Variants in ZNF385B observed in about 807,000 individuals in gnomAD.
ZNF385B encodes the protein zinc finger protein 533.
ZNF385B carries 23 observed loss-of-function variants against 39.2 expected under a neutral mutation model. The observed-to-expected ratio is 0.59, with a 90% confidence interval of 0.42 to 0.83. The LOEUF (loss-of-function observed/expected upper bound fraction) is 0.83, where lower values mean the gene tolerates loss of function less well. ZNF385B is among the 40% of genes least tolerant of loss of function. The probability of loss-of-function intolerance (pLI) is 0.00; values close to 1 mark genes in which losing one functional copy is unlikely to be tolerated. For synonymous variants in ZNF385B, 205 were observed against 222.6 expected (o/e 0.92, Z 0.70); for missense variants, 552 against 598.9 (o/e 0.92, Z 0.82).
chr2:179,798,071 G>A (rs144199758), intron 1 of ZNF385B, among the ~76,000 whole-genome samples: 10 of 152,122 alleles, frequency 6.6e-5, no homozygotes, highest in East Asian at 5.8e-4. Flanking sequence ...AGGTGGCCAC[G>A]GAGGGATCTT....
intron 3 of ZNF385B, among the ~76,000 whole-genome samples, chr2:179,717,559 C>T (rs1485014929): frequency 6.6e-6 from 1 of 152,068 alleles, no homozygotes; most frequent in African/African-American, 2.4e-5. Flanking sequence ...ATAGTGAGAC[C>T]CTGTTTCTAT....
At chr2:179,534,073 AGTGACT>A (rs1399080742) in intron 4 of ZNF385B, among the ~76,000 whole-genome samples, 1 of 152,202 alleles carries the variant, frequency 6.6e-6, no homozygotes, top group Admixed American at 6.5e-5. Flanking sequence ...CAGGCAGTCA[AGTGACT>A]GTGATCTTTA....
intron 3 of ZNF385B, among the ~76,000 whole-genome samples, chr2:179,549,761 G>GA (rs2060454619): frequency 1.3e-5 from 2 of 149,748 alleles, no homozygotes; most frequent in South Asian, 4.3e-4. Flanking sequence ...AGAAAAAAGA[G>GA]AGAAGGGTGC....
intron 3 of ZNF385B, among the ~76,000 whole-genome samples, chr2:179,557,778 T>C (rs1322819991): frequency 9.2e-5 from 14 of 152,038 alleles, no homozygotes. Flanking sequence ...ATAATGGGTA[T>C]ATTGTATGAT....
intron 1 of ZNF385B, among the ~76,000 whole-genome samples, chr2:179,853,450 G>A (rs897994021): frequency 1.3e-5 from 2 of 152,200 alleles, no homozygotes; most frequent in African/African-American, 4.8e-5. Context: ...GCTTCACATG[G>A]TTACAAATTT....
chr2:179,459,470 A>G (rs2051053139), intron 6 of ZNF385B, among the ~76,000 whole-genome samples: 1 of 152,092 alleles, frequency 6.6e-6, no homozygotes, highest in South Asian at 2.1e-4. Flanking sequence ...CCATTCAACA[A>G]CTACTGATTG....
chr2:179,471,624 C>A (rs949338805), intron 6 of ZNF385B, among the ~76,000 whole-genome samples: 6 of 152,138 alleles, frequency 3.9e-5, no homozygotes, highest in African/African-American at 1.4e-4. Flanking sequence ...TACTCTTCAC[C>A]ACTTCAAAAT....
At chr2:179,790,853 G>A (rs1166324682) in intron 1 of ZNF385B, among the ~76,000 whole-genome samples, 3 of 152,118 alleles carry the variant, frequency 2.0e-5, no homozygotes, top group African/African-American at 7.2e-5. Context: ...AAATTCCAAA[G>A]GTTTACACAG....
chr2:179,488,379 C>T (rs969599723), intron 5 of ZNF385B, among the ~76,000 whole-genome samples: 3 of 152,112 alleles, frequency 2.0e-5, no homozygotes, highest in South Asian at 2.1e-4. Context: ...CTCCTGACCT[C>T]GTGATCCGCC....
At chr2:179,645,521 T>C (rs1380057358) in intron 3 of ZNF385B, among the ~76,000 whole-genome samples, 1 of 152,214 alleles carries the variant, frequency 6.6e-6, no homozygotes, top group East Asian at 1.9e-4. Flanking sequence ...TATTACATAA[T>C]GTAATGAGGA....
At chr2:179,756,522 G>C (rs1163615721) in intron 3 of ZNF385B, among the ~76,000 whole-genome samples, 1 of 152,078 alleles carries the variant, frequency 6.6e-6, no homozygotes, top group Non-Finnish European at 1.5e-5. Context: ...TTGAATGTTG[G>C]CCTGCCTTGC....
At chr2:179,747,546 A>T (rs1321497966) in intron 3 of ZNF385B, among the ~76,000 whole-genome samples, 1 of 152,100 alleles carries the variant, frequency 6.6e-6, no homozygotes, top group East Asian at 1.9e-4. Context: ...CCCAACACAC[A>T]CATAAACTTT....
chr2:179,517,800 A>G (rs2058194657), intron 5 of ZNF385B, among the ~76,000 whole-genome samples: 3 of 152,124 alleles, frequency 2.0e-5, no homozygotes, highest in Non-Finnish European at 4.4e-5. Context: ...TTGTTTATAA[A>G]TTTAAAAACC....
chr2:179,823,745 C>T (rs779025921), intron 1 of ZNF385B, among the ~76,000 whole-genome samples: 1 of 152,094 alleles, frequency 6.6e-6, no homozygotes, highest in South Asian at 2.1e-4. Flanking sequence ...TCTTCTCTAC[C>T]TCCATGACCC....
intron 3 of ZNF385B, among the ~76,000 whole-genome samples, chr2:179,725,955 T>G (rs560443409): frequency 6.6e-6 from 1 of 150,414 alleles, no homozygotes; most frequent in Admixed American, 6.7e-5. Context: ...GAGAGAGAGA[T>G]AAATCTAGAC....
chr2:179,486,705 G>A (rs4893875), intron 5 of ZNF385B, among the ~76,000 whole-genome samples: 43,189 of 151,972 alleles, frequency 0.28, 6,360 homozygotes, highest in East Asian at 0.38. Context: ...GCCTGAGCTT[G>A]GGAGTTTGGG....
At chr2:179,819,034 TACACACACACACACACACACAC>T (rs10556902) in intron 1 of ZNF385B, among the ~76,000 whole-genome samples, 2 of 148,090 alleles carry the variant, frequency 1.4e-5, no homozygotes, top group African/African-American at 2.5e-5. Flanking sequence ...TGTTTATAAA[TACACACACACACACACACACAC>T]ACACACACAC....
chr2:179,539,398 T>C (rs2059779858), intron 4 of ZNF385B, among the ~76,000 whole-genome samples: 3 of 152,226 alleles, frequency 2.0e-5, no homozygotes, highest in Admixed American at 6.5e-5. Context: ...CTTCAACATA[T>C]GAATTTTGAG....
intron 6 of ZNF385B, among the ~76,000 whole-genome samples, chr2:179,447,332 TAA>T (rs1362726669): frequency 2.0e-5 from 3 of 152,212 alleles, no homozygotes; most frequent in African/African-American, 7.2e-5. Flanking sequence ...ATCCAAAATA[TAA>T]GAGACCAAGC....
Sources: gnomAD v4.1 joint callset for allele counts (sites outside exome capture counted in the v4.1 genomes callset) on GRCh38, gnomAD v4.1.1 for gene constraint, MANE v1.5 for transcripts, NCBI Gene and HGNC (gene_info 2026-07-23, HGNC 2026-07-21) for gene names.